The following NPR3 variants were observed in gnomAD, a reference collection of about 807,000 sequenced individuals.
The protein encoded by NPR3 is natriuretic peptide receptor 3, also known as atrial natriuretic peptide receptor 3.
NPR3 carries 34 observed loss-of-function variants against 54.5 expected under a neutral mutation model. The observed-to-expected ratio is 0.62, with a 90% CI of 0.47 to 0.83. The LOEUF is 0.83. Ranked by LOEUF, NPR3 falls within the 40% of genes least tolerant of loss-of-function variation. NPR3 has a pLI of 0.00. For missense variants in NPR3, 674 were observed against 720.8 expected, an observed-to-expected ratio of 0.94 and a Z score of 0.74; for synonymous variants, 289 against 297.1, an observed-to-expected ratio of 0.97 and a Z score of 0.28.
intron 1 of NPR3, among the ~76,000 whole-genome samples, chr5:32,694,473 A>G (rs185240488): frequency 1.8e-4 from 28 of 152,320 alleles, no homozygotes; most frequent in African/African-American, 6.7e-4. Context: ...CTGTATACTA[A>G]GCACTTTGCA....
chr5:32,775,517 A>G (rs564704954), intron 4 of NPR3, among the ~76,000 whole-genome samples: 3 of 152,128 alleles, frequency 2.0e-5, no homozygotes, highest in African/African-American at 7.2e-5. Flanking sequence ...GTTGATCTCT[A>G]ACTCTTGACC....
At chr5:32,741,296 T>C (rs533306460) in intron 3 of NPR3, among the ~76,000 whole-genome samples, 36 of 152,244 alleles carry the variant, frequency 2.4e-4, no homozygotes, top group African/African-American at 7.7e-4. Flanking sequence ...CATGCACTTG[T>C]AGTCCCAGCT....
At chr5:32,733,741 A>T (rs73758305) in intron 2 of NPR3, among the ~76,000 whole-genome samples, 2 of 152,238 alleles carry the variant, frequency 1.3e-5, no homozygotes, top group African/African-American at 4.8e-5. Context: ...CACATAATTC[A>T]TCAATCATAA....
chr5:32,727,090 A>G (rs1042497568), intron 2 of NPR3, among the ~76,000 whole-genome samples: 1 of 152,154 alleles, frequency 6.6e-6, no homozygotes, highest in African/African-American at 2.4e-5. Flanking sequence ...AATTTCTAGA[A>G]GTGGAATTGT....
At chr5:32,713,553 G>GCA in intron 1 of NPR3, 4 of 834,676 alleles carry the variant, frequency 4.8e-6, no homozygotes, top group Middle Eastern at 6.1e-4. Context: ...CTCCCCCTTG[G>GCA]CGCTCACGCG....
upstream of NPR3, among the ~76,000 whole-genome samples, chr5:32,705,102 A>G (rs934740479): frequency 6.6e-6 from 1 of 152,248 alleles, no homozygotes; most frequent in Non-Finnish European, 1.5e-5. Context: ...AATTCTGCTG[A>G]AATTGAAGCA....
At chr5:32,775,006 A>G (rs1741970281) in intron 4 of NPR3, among the ~76,000 whole-genome samples, 163 bp downstream of exon 4, 1 of 152,206 alleles carries the variant, frequency 6.6e-6, no homozygotes, top group Non-Finnish European at 1.5e-5. Context: ...AAATGAGATA[A>G]TACACGTGAA....
intron 4 of NPR3, among the ~76,000 whole-genome samples, chr5:32,777,296 A>G (rs562128378): frequency 3.9e-5 from 6 of 152,324 alleles, no homozygotes; most frequent in Admixed American, 3.3e-4. Flanking sequence ...ACAACCGGTA[A>G]CATAAGGTAC....
chr5:32,735,426 T>A (rs2302955), intron 2 of NPR3, among the ~76,000 whole-genome samples: 8,907 of 150,222 alleles, frequency 0.059, 311 homozygotes, highest in Non-Finnish European at 0.073. Context: ...CTCTTTTTTT[T>A]ATAATAAAAG....
At chr5:32,721,708 A>G (rs1183604365) in intron 1 of NPR3, among the ~76,000 whole-genome samples, 1 of 152,226 alleles carries the variant, frequency 6.6e-6, no homozygotes, top group African/African-American at 2.4e-5. Context: ...GTCCATCAGA[A>G]GGACTTGGTG....
chr5:32,737,490 G>C (rs1457166192), intron 2 of NPR3, among the ~76,000 whole-genome samples: 2 of 152,194 alleles, frequency 1.3e-5, no homozygotes, highest in Non-Finnish European at 2.9e-5. Flanking sequence ...ATATCCCAGA[G>C]ACATTCTCAC....
chr5:32,702,155 C>A (rs577471718), intron 1 of NPR3, among the ~76,000 whole-genome samples: 28 of 152,280 alleles, frequency 1.8e-4, no homozygotes, highest in African/African-American at 6.7e-4. Flanking sequence ...TCAGAGATGC[C>A]ATCCAGGAGC....
chr5:32,716,494 G>A, intron 1 of NPR3: 1 of 442,982 alleles, frequency 2.3e-6, no homozygotes, highest in Non-Finnish European at 4.5e-6. Flanking sequence ...TTCCAATATG[G>A]TTGTGCCAAA....
rs757334051 is a variant in NPR3 at position 32,774,742 on chromosome 5, T to C, written c.1094T>C (p.Ile365Thr). 1 of 1,610,516 alleles carries C rather than the reference T, an allele frequency of 6.2e-7. No homozygotes were observed. Among genetic ancestry groups the C allele is most frequent in the East Asian group, 2.2e-5 (1 of 44,860 alleles). Residue 365 changes from isoleucine (I) to threonine (T), a missense_variant, in exon 4 of 8, where the codon ATC becomes ACC. Transcript: ENST00000265074. ...TTTGTTGAAGGATTCCACGATGCCA[T>C]CCTCCTCTACGTCTTGGCTCTACAT... Reference protein sequence around the residue: ...NMFVEGFHDAILLYVLALHEV... With the variant: ...NMFVEGFHDATLLYVLALHEV...
chr5:32,766,118 G>T (rs981384936), intron 3 of NPR3, among the ~76,000 whole-genome samples: 3 of 152,224 alleles, frequency 2.0e-5, no homozygotes, highest in African/African-American at 7.2e-5. Flanking sequence ...GCCCATTGGT[G>T]CTGTGGGTAT....
intron 3 of NPR3, among the ~76,000 whole-genome samples, chr5:32,753,083 G>T (rs1320140757): frequency 6.6e-6 from 1 of 152,146 alleles, no homozygotes; most frequent in Non-Finnish European, 1.5e-5. Flanking sequence ...TATTGAAGTG[G>T]TACAATCTGA....
At position 32,782,946 on chromosome 5, in the gene NPR3, C is replaced by T; in HGVS notation, c.1344C>T (p.Val448=). 1 of 1,611,542 alleles carries T rather than the reference C, an allele frequency of 6.2e-7. No individual in the cohort carries two copies. The highest frequency in any genetic ancestry group is 1.3e-5 in the African/African-American group (1 of 75,010). ...GTCGTTTTGAAATGCGGCCGAATGT[C>T]AAATATCCTTGGGGCCCTTTAAAAC... is the stretch of plus-strand genomic sequence containing the variant. ...KEGRFEMRPN[V]KYPWGPLKLR... is the part of the protein sequence containing the mutation. The change falls in exon 6 of 8, where the codon GTC becomes GTT. Residue 448 remains valine (V), a synonymous_variant. Transcript: ENST00000265074.
Position 32,724,691 on chromosome 5 carries a change from C to A in NPR3, c.770-7C>A. ...TGCCTCATGTGTGTTGTTTGTTCCT[C>A]CCCTAGTGGTGATCATGTGTGCGAG... On this transcript the variant is annotated splice_region_variant and splice_polypyrimidine_tract_variant and intron_variant, in intron 1 of 7. Coordinates refer to ENST00000265074, the MANE Select transcript of NPR3 (RefSeq NM_001204375.2). 1 of 1,613,930 alleles carries A rather than the reference C, an allele frequency of 6.2e-7. No individual in the cohort carries two copies. The highest frequency in any genetic ancestry group is 8.5e-7 in the Non-Finnish European group (1 of 1,179,858).
At chr5:32,740,674 T>C (rs72740658) in intron 3 of NPR3, among the ~76,000 whole-genome samples, 8,887 of 152,214 alleles carry the variant, frequency 0.058, 299 homozygotes, top group Non-Finnish European at 0.072. Context: ...ATAAACATAT[T>C]TCAACATTTA....
Sources: allele counts gnomAD v4.1 joint callset (sites outside exome capture counted in the v4.1 genomes callset), GRCh38; gene constraint gnomAD v4.1.1; transcripts MANE v1.5; gene names NCBI Gene and HGNC (gene_info 2026-07-23, HGNC 2026-07-21).